The following MRC2 variants were observed in gnomAD, a reference collection of about 807,000 sequenced individuals.
MRC2 encodes C-type mannose receptor 2.
A neutral mutation model predicts 206.2 loss-of-function variants in MRC2; 84 were observed. The ratio of observed to expected loss-of-function variants is 0.41; its 90% CI spans 0.34 to 0.49. The LOEUF (loss-of-function observed/expected upper bound fraction) is 0.49, where lower values mean the gene tolerates loss of function less well. Among genes scored for constraint, MRC2 ranks in the 20% least tolerant of loss-of-function variants. The pLI is 0.31. For synonymous variants in MRC2, 798 were observed against 800.0 expected (o/e 1.00, Z 0.04); for missense variants, 1,676 against 2,001.5 (o/e 0.84, Z 3.10).
At chr17:62,677,895 A>G (rs1054977614) in intron 12 of MRC2, among the ~76,000 whole-genome samples, 6 of 149,918 alleles carry the variant, frequency 4.0e-5, no homozygotes, top group Non-Finnish European at 9.1e-5. Flanking sequence ...ACTAAAATAC[A>G]AAAAATTAGC....
At chr17:62,670,365 A>G (rs2147470502) in intron 6 of MRC2, among the ~76,000 whole-genome samples, 1 of 152,308 alleles carries the variant, frequency 6.6e-6, no homozygotes, top group African/African-American at 2.4e-5. Flanking sequence ...GGCTAACAAG[A>G]GATGATTGAC....
chr17:62,689,590 G>A lies in MRC2; in HGVS notation c.3403G>A (p.Gly1135Ser), dbSNP rs770688185. 1.2e-5 allele frequency: 19 copies of A among 1,602,690 alleles called. No homozygotes were observed. The highest frequency in any genetic ancestry group is 1.7e-5 in the Admixed American group (1 of 58,986). ...GGGCACTGAGCTCTCCTACCTCAAC[G>A]GCACCTTCCGGCTGCTTCAGAAGCC... is the stretch of plus-strand genomic sequence containing the variant. The part of the protein sequence containing the change: ...APGTELSYLN[G>S]TFRLLQKPLR... The change falls in exon 24 of 30, where the codon GGC becomes AGC. Residue 1135 changes from glycine to serine, a missense_variant. Gly to Ser is a moderately conservative substitution (Grantham distance 56). This residue lies in a region of MRC2 where 1,354 missense variants were observed against 1,636.6 expected (regional missense o/e 0.83). Coordinates refer to ENST00000303375, the MANE Select transcript of MRC2 (RefSeq NM_006039.5).
intron 1 of MRC2, among the ~76,000 whole-genome samples, chr17:62,651,993 A>G (rs62076124): frequency 0.022 from 3,308 of 152,302 alleles, 53 homozygotes; most frequent in Non-Finnish European, 0.032. Flanking sequence ...TTTAAGTCAG[A>G]AAACATAAAT....
chr17:62,666,779 C>T lies in MRC2; in HGVS notation c.882C>T (p.Ser294=). The change falls in exon 5 of 30, where the codon TCC becomes TCT. Residue 294 remains serine (S), a synonymous_variant. Transcript: ENST00000303375. This position sits in a 1 kb window ranked among gnomAD's most constrained non-coding sequence, Gnocchi z 5.0. ...CAGGCCTCCTCACTGGGTACAGCTC[C>T]ACCCTGTGGATCGGCTTGAATGACT... ...YINGLLTGYS[S]TLWIGLNDLD... is the part of the protein sequence containing the mutation. 1 of 1,613,878 alleles carries T rather than the reference C, an allele frequency of 6.2e-7. No individual in the cohort carries two copies. The highest frequency in any genetic ancestry group is 2.2e-5 in the East Asian group (1 of 44,852).
chr17:62,679,519 G>A, intron 13 of MRC2: 1 of 271,344 alleles, frequency 3.7e-6, no homozygotes, highest in African/African-American at 2.2e-5. Context: ...GAATCTTGCT[G>A]GACAGGGCAC....
intron 20 of MRC2, among the ~76,000 whole-genome samples, chr17:62,687,755 C>A (rs190674480): frequency 2.0e-5 from 3 of 152,148 alleles, no homozygotes; most frequent in Admixed American, 1.3e-4. Flanking sequence ...TGGTGGTGGG[C>A]GCCTGCAGTC....
chr17:62,684,583 A>C (rs1453058313), intron 20 of MRC2, among the ~76,000 whole-genome samples: 1 of 152,106 alleles, frequency 6.6e-6, no homozygotes, highest in Admixed American at 6.6e-5. Context: ...AGACCTGATT[A>C]GTCCTTCATT....
chr17:62,629,701 A>G (rs1025354855), intron 1 of MRC2, among the ~76,000 whole-genome samples: 3 of 152,198 alleles, frequency 2.0e-5, no homozygotes, highest in Admixed American at 6.5e-5. Context: ...GCCTGTTCAG[A>G]GCCTCTGGGC....
At chr17:62,641,088 A>G in intron 1 of MRC2, among the ~76,000 whole-genome samples, 1 of 151,190 alleles carries the variant, frequency 6.6e-6, no homozygotes, top group East Asian at 1.9e-4. Flanking sequence ...CAAGTGATCT[A>G]CCTCAGCCTC....
chr17:62,667,522 C>T lies in MRC2; in HGVS notation c.1106C>T (p.Pro369Leu), dbSNP rs1478302044. ...CKKKPNATAEPTPPDRWANVK... is the reference protein window; with the variant it reads ...CKKKPNATAELTPPDRWANVK... ...AAGAAGCCCAACGCCACGGCCGAGC[C>T]CACCCCTCCAGGTGAGCCAGGGACT... Residue 369 changes from proline to leucine, a missense_variant, in exon 6 of 30, where the codon CCC becomes CTC. Coordinates refer to ENST00000303375, the MANE Select transcript of MRC2 (RefSeq NM_006039.5). This position sits in a 1 kb window ranked among gnomAD's most constrained non-coding sequence, Gnocchi z 4.1. 1.2e-6 allele frequency: 2 copies of T among 1,610,346 alleles called. No homozygotes were observed. The highest frequency in any genetic ancestry group is 1.7e-6 in the Non-Finnish European group (2 of 1,179,272).
In MRC2 at chr17:62,666,954, C is replaced by G; in HGVS notation, c.973+84C>G. ...CCATGGACTCCTCTCCTCATGTCCT[C>G]CTGCAGAGGGGCAGTGTGGGTAGGG... On this transcript the variant is annotated intron_variant, in intron 5 of 29. Transcript: ENST00000303375. This position sits in a 1 kb window ranked among gnomAD's most constrained non-coding sequence, Gnocchi z 5.0. 1 of 1,031,588 alleles carries G rather than the reference C, an allele frequency of 9.7e-7. No individual in the cohort carries two copies. Among genetic ancestry groups the G allele is most frequent in the South Asian group, 1.5e-5 (1 of 68,450 alleles). 63.9% of individuals were successfully genotyped at this position (1,031,588 alleles called of 1,614,324 possible). A position where few individuals can be genotyped will look rare whatever the true frequency, so the allele number is the denominator to read the frequency against.
chr17:62,687,295 G>T (rs993715047), intron 20 of MRC2, among the ~76,000 whole-genome samples: 1 of 152,180 alleles, frequency 6.6e-6, no homozygotes, highest in African/African-American at 2.4e-5. Context: ...CAAGTAGCTG[G>T]GATTACAGGC....
At chr17:62,653,959 G>A (rs1264641532) in intron 1 of MRC2, among the ~76,000 whole-genome samples, 2 of 152,140 alleles carry the variant, frequency 1.3e-5, no homozygotes, top group African/African-American at 4.8e-5. Context: ...GGTGGTGCAG[G>A]GTGGGGTGCT....
Position 62,682,269 on chromosome 17 carries a change from G to A in MRC2, c.2838G>A (p.Leu946=). The A allele has an allele frequency of 1.2e-6, 2 of 1,602,600 alleles. No homozygotes were observed. Among genetic ancestry groups the A allele is most frequent in the Non-Finnish European group, 1.7e-6 (2 of 1,174,184 alleles). ...GGGACCAGAGGTGCCTGACAGCCTT[G>A]CCCTACATCTGCAAGCGCAGCAACG... ...DWGDQRCLTA[L]PYICKRSNVT... The change falls in exon 20 of 30, where the codon TTG becomes TTA. Residue 946 remains leucine (L), a synonymous_variant. Transcript: ENST00000303375.
chr17:62,664,743 C>T lies in MRC2; in HGVS notation c.314C>T (p.Ala105Val), dbSNP rs758164947. 32 of 1,613,912 alleles carry T rather than the reference C, an allele frequency of 2.0e-5. No homozygotes were observed. The highest frequency in any genetic ancestry group is 8.0e-5 in the African/African-American group (6 of 74,946). Residue 105 changes from alanine (A) to valine (V), a missense_variant, in exon 2 of 30, where the codon GCC becomes GTC. By Grantham distance (64) the Ala-to-Val change is moderately conservative. Coordinates refer to ENST00000303375, the MANE Select transcript of MRC2 (RefSeq NM_006039.5). This position sits in a 1 kb window ranked among gnomAD's most constrained non-coding sequence, Gnocchi z 4.7. Reference sequence around the variant, plus strand: ...GGCTGGCCAGGCACCAACACCACGGCCTCCCTGGGCATGTATGAGTGTGAC... The same window carrying T: ...GGCTGGCCAGGCACCAACACCACGGTCTCCCTGGGCATGTATGAGTGTGAC... The part of the protein sequence containing the change: ...GTGWPGTNTT[A>V]SLGMYECDRE...
Position 62,680,003 on chromosome 17 carries a change from G to T in MRC2, c.2298+101G>T, listed in dbSNP as rs1598992601. 13 of 1,457,190 alleles carry T rather than the reference G, an allele frequency of 8.9e-6. No individual in the cohort carries two copies. In the South Asian group the frequency reaches 1.6e-4, roughly 18 times the overall value. The allele number at this position is 1,457,190 out of a possible 1,614,324, so 90.3% of individuals were successfully genotyped here. A position where few individuals can be genotyped will look rare whatever the true frequency, so the allele number is the denominator to read the frequency against. ...AGGTGGGCGGGTTTTCTTGAGGGCCGGGCCCCCAGTCGGAGCCGGCTTCAG... is the reference window on the plus strand; with the variant it reads ...AGGTGGGCGGGTTTTCTTGAGGGCCTGGCCCCCAGTCGGAGCCGGCTTCAG... On this transcript the variant is annotated intron_variant, in intron 14 of 29. Transcript: ENST00000303375. This position sits in a 1 kb window ranked among gnomAD's most constrained non-coding sequence, Gnocchi z 4.8.
chr17:62,689,879 G>A lies in MRC2; in HGVS notation c.3574-15G>A. ...ACTATTCCCTTCCTCCCACCCCATG[G>A]CCCCCCATGCCCAGGGCTCTCGGCG... On this transcript the variant is annotated splice_polypyrimidine_tract_variant and intron_variant, in intron 24 of 29. Transcript: ENST00000303375. The A allele has an allele frequency of 6.3e-7, 1 of 1,578,270 alleles. No individual in the cohort carries two copies. The highest frequency in any genetic ancestry group is 1.7e-4 in the Middle Eastern group (1 of 6,012).
chr17:62,665,576 G>C (rs2088742000), intron 2 of MRC2, among the ~76,000 whole-genome samples: 1 of 152,170 alleles, frequency 6.6e-6, no homozygotes, highest in Non-Finnish European at 1.5e-5. Flanking sequence ...CCACTCTCCA[G>C]GTGAAACCCC....
chr17:62,677,578 C>G (rs2088909943), intron 12 of MRC2, 92 bp downstream of exon 12: 4 of 1,154,652 alleles, frequency 3.5e-6, no homozygotes, highest in Non-Finnish European at 4.9e-6. Context: ...CAGCCACAAT[C>G]CAGAGACACA....
Sources: gnomAD v4.1 joint callset for allele counts (sites outside exome capture counted in the v4.1 genomes callset) on GRCh38, gnomAD v4.1.1 for gene constraint, gnomAD v4.1.1 regional missense constraint, Gnocchi (gnomAD v3.1) non-coding constraint, MANE v1.5 for transcripts, NCBI Gene and HGNC (gene_info 2026-07-23, HGNC 2026-07-21) for gene names.